TRMT1L: variants seen among roughly 807,000 people sequenced by gnomAD.
TRMT1L encodes the protein tRNA methyltransferase 1L.
Under a neutral mutation model 81.6 loss-of-function variants are expected in TRMT1L, and 28 were observed. The ratio of observed to expected loss-of-function variants is 0.34; its 90% CI spans 0.25 to 0.47. TRMT1L has a LOEUF of 0.47. TRMT1L is among the 20% of genes least tolerant of loss of function. TRMT1L has a pLI of 1.00. For synonymous variants in TRMT1L, 301 were observed against 303.2 expected (o/e 0.99, Z 0.07); for missense variants, 739 against 877.1 (o/e 0.84, Z 1.99).
intron 10 of TRMT1L, among the ~76,000 whole-genome samples, chr1:185,129,222 T>C (rs1461601806): frequency 6.6e-6 from 1 of 152,236 alleles, no homozygotes; most frequent in Non-Finnish European, 1.5e-5. Flanking sequence ...ATATACTTTA[T>C]ATTAAAAAGT....
At chr1:185,147,114 T>C in intron 4 of TRMT1L, 68 bp downstream of exon 4, 1 of 1,102,776 alleles carries the variant, frequency 9.1e-7, no homozygotes, top group East Asian at 2.5e-5. Flanking sequence ...AGTTTCACAG[T>C]AAGTAAAAAT....
intron 11 of TRMT1L, 70 bp downstream of exon 11, chr1:185,128,599 A>G (rs1183885420): frequency 9.1e-6 from 13 of 1,423,720 alleles, no homozygotes; most frequent in Non-Finnish European, 1.2e-5. Context: ...ACCACACATA[A>G]TAAAAATCAG....
At chr1:185,128,620 A>G in intron 11 of TRMT1L, 49 bp downstream of exon 11, 1 of 1,533,332 alleles carries the variant, frequency 6.5e-7, no homozygotes, top group Non-Finnish European at 9.0e-7. Flanking sequence ...CAATTAATAA[A>G]TCAATCAATA....
chr1:185,142,924 C>T (rs1268202495), intron 7 of TRMT1L, among the ~76,000 whole-genome samples: 2 of 152,160 alleles, frequency 1.3e-5, no homozygotes, highest in African/African-American at 2.4e-5. Context: ...ATTTTTAAAA[C>T]ATATTATGAG....
chr1:185,145,612 G>C lies in TRMT1L; in HGVS notation c.526-44C>G, dbSNP rs1217794162. On this transcript the variant is annotated intron_variant, in intron 4 of 14. Transcript: ENST00000367506. The stretch of plus-strand genomic sequence containing the variant: ...AATTTAAATAAGTTGCTAAGACAAT[G>C]AAACAGAAGTATATGTTTGCAAATT... 6 of 1,588,060 alleles carry C rather than the reference G, an allele frequency of 3.8e-6. No homozygotes were observed. In the African/African-American group the frequency reaches 8.1e-5, roughly 21 times the overall value.
chr1:185,147,157 A>G, intron 4 of TRMT1L, 25 bp downstream of exon 4: 1 of 1,552,872 alleles, frequency 6.4e-7, no homozygotes, highest in South Asian at 1.2e-5. Context: ...AAATTTAAAA[A>G]TAAAAAAATC....
rs1208733691 is a variant in TRMT1L, at chr1:185,156,533, G to C, written c.180C>G (p.Ala60=). ...GGGACGGGGACAGGGCCGGAGCCTGGGCCAGGGCAGGGGCTGGGGCTGGAG... is the reference window on the plus strand; with the variant it reads ...GGGACGGGGACAGGGCCGGAGCCTGCGCCAGGGCAGGGGCTGGGGCTGGAG... ...ASAPAPAPAL[A]QAPALSPSLA... is the part of the protein sequence containing the mutation. The change falls in exon 1 of 15, where the codon GCC becomes GCG. Residue 60 remains alanine, a synonymous_variant. Coordinates refer to ENST00000367506, the MANE Select transcript of TRMT1L (RefSeq NM_030934.5). 6.2e-7 allele frequency: 1 copy of C among 1,612,296 alleles called. No individual in the cohort carries two copies. The highest frequency in any genetic ancestry group is 1.7e-5 in the Admixed American group (1 of 59,776).
intron 10 of TRMT1L, among the ~76,000 whole-genome samples, chr1:185,132,392 G>T (rs986250649): frequency 6.6e-6 from 1 of 151,890 alleles, no homozygotes; most frequent in Admixed American, 6.6e-5. Flanking sequence ...GGTGGCATGT[G>T]CCTGTAATCA....
chr1:185,121,198 A>C lies in TRMT1L; in HGVS notation c.1823-689T>G, dbSNP rs145491916. On this transcript the variant is annotated intron_variant, in intron 13 of 14. Coordinates refer to ENST00000367506, the MANE Select transcript of TRMT1L (RefSeq NM_030934.5). ...AAACAACTGAGATATCCAATACTAT[A>C]ATGAGATTTTGCCTGGTGTTCAACC... Among the ~76,000 whole-genome samples the C allele has an allele frequency of 2.6e-5, 4 of 152,342 alleles. No individual in the cohort carries two copies. The East Asian group carries it at 7.7e-4, about 29-fold the overall frequency.
chr1:185,135,215 T>C (rs1313988239), intron 10 of TRMT1L, among the ~76,000 whole-genome samples: 9 of 151,492 alleles, frequency 5.9e-5, no homozygotes, highest in Non-Finnish European at 1.3e-4. Context: ...CAGGAGTTCG[T>C]GACCAGCCTG....
rs1051179362 is a variant in TRMT1L, at chr1:185,119,624, A to T, written c.*395T>A. On this transcript the variant is annotated 3_prime_UTR_variant, in exon 15 of 15. Coordinates refer to ENST00000367506, the MANE Select transcript of TRMT1L (RefSeq NM_030934.5). ...ATGTGAGCCTTCAGCTTCATTTTGT[A>T]CACTACAAACAGGAAAACATAAACA... 4 of 158,614 alleles carry T rather than the reference A, an allele frequency of 2.5e-5. No homozygotes were observed. The highest frequency in any genetic ancestry group is 7.2e-5 in the African/African-American group (3 of 41,624). 9.8% of individuals were successfully genotyped at this position (158,614 alleles called of 1,614,324 possible).
At chr1:185,149,214 C>T (rs1164437083) in intron 3 of TRMT1L, among the ~76,000 whole-genome samples, 2 of 151,966 alleles carry the variant, frequency 1.3e-5, no homozygotes, top group East Asian at 1.9e-4. Context: ...ATTCAATCAT[C>T]TCTTTTAATT....
intron 10 of TRMT1L, among the ~76,000 whole-genome samples, chr1:185,136,599 T>A (rs1284347778): frequency 6.6e-6 from 1 of 152,152 alleles, no homozygotes; most frequent in Non-Finnish European, 1.5e-5. Flanking sequence ...ATCAAAATAA[T>A]ATGCCAACTG....
chr1:185,147,421 A>G (rs1653219035), intron 3 of TRMT1L, among the ~76,000 whole-genome samples, 175 bp from the exon 4 acceptor site: 1 of 152,180 alleles, frequency 6.6e-6, no homozygotes, highest in South Asian at 2.1e-4. Context: ...ATATATGTGT[A>G]TGCATATATA....
intron 11 of TRMT1L, among the ~76,000 whole-genome samples, chr1:185,125,787 A>G (rs760674249): frequency 5.3e-5 from 8 of 152,316 alleles, no homozygotes; most frequent in African/African-American, 9.6e-5. Context: ...ATAATATACA[A>G]TGTTGACCTT....
intron 13 of TRMT1L, 67 bp downstream of exon 13, chr1:185,123,790 C>T: frequency 1.1e-6 from 1 of 945,566 alleles, no homozygotes; most frequent in South Asian, 1.8e-5. Flanking sequence ...TCTTCTCTTC[C>T]TACCCTTTTG....
At chr1:185,133,790 G>A (rs1426970610) in intron 10 of TRMT1L, among the ~76,000 whole-genome samples, 4 of 151,990 alleles carry the variant, frequency 2.6e-5, no homozygotes, top group Non-Finnish European at 4.4e-5. Flanking sequence ...GAGAGACCCC[G>A]AGCTAGTGGA....
rs566799332 is a variant in TRMT1L at position 185,130,580 on chromosome 1, T to C, written c.1514-1833A>G. ...ACGGCCTGAAAATTGAAGGCAATGA[T>C]TGTCTCTGAAGATGACTATAGAGAG... On this transcript the variant is annotated intron_variant, in intron 10 of 14. Coordinates refer to ENST00000367506, the MANE Select transcript of TRMT1L (RefSeq NM_030934.5). Among the ~76,000 whole-genome samples, 9 of 152,330 alleles carry C rather than the reference T, an allele frequency of 5.9e-5. No individual in the cohort carries two copies. In the South Asian group the frequency reaches 1.0e-3, roughly 18 times the overall value.
chr1:185,140,969 C>CA (rs538571932), intron 7 of TRMT1L, among the ~76,000 whole-genome samples: 10,987 of 88,624 alleles, frequency 0.12, 546 homozygotes, highest in East Asian at 0.33. Flanking sequence ...GACCCTATCT[C>CA]AAAAAAAAAA....
Sources: gnomAD v4.1 joint callset for allele counts (sites outside exome capture counted in the v4.1 genomes callset) on GRCh38, gnomAD v4.1.1 for gene constraint, MANE v1.5 for transcripts, NCBI Gene and HGNC (gene_info 2026-07-23, HGNC 2026-07-21) for gene names.